Variants in AGFG1 observed in about 807,000 individuals in gnomAD.
AGFG1 encodes ArfGAP with FG repeats 1, also known as arf-GAP domain and FG repeat-containing protein 1.
AGFG1 carries 10 observed loss-of-function variants against 60.6 expected under a neutral mutation model. That is an observed-to-expected ratio of 0.16 (90% CI 0.10 to 0.28). The LOEUF (loss-of-function observed/expected upper bound fraction) is 0.28. AGFG1 is among the 10% of genes least tolerant of loss of function. The pLI is 1.00. For missense variants in AGFG1, 537 were observed against 676.5 expected (o/e 0.79, Z 2.29); for synonymous variants, 247 against 242.9 (o/e 1.02, Z -0.16).
chr2:227,531,504 A>T (rs1036142291), intron 6 of AGFG1, among the ~76,000 whole-genome samples: 13 of 146,928 alleles, frequency 8.8e-5, no homozygotes, highest in African/African-American at 2.8e-4. Flanking sequence ...CACTACTATA[A>T]GTATTTCTCT....
chr2:227,518,505 A>C (rs896733851), intron 2 of AGFG1, among the ~76,000 whole-genome samples: 8 of 139,840 alleles, frequency 5.7e-5, no homozygotes, highest in African/African-American at 1.8e-4. Context: ...TGTCTTGTGG[A>C]GTCTCAGTGT....
At chr2:227,533,792 G>T (rs1692229477) in intron 7 of AGFG1, 34 bp downstream of exon 7, 5 of 1,554,498 alleles carry the variant, frequency 3.2e-6, no homozygotes, top group Non-Finnish European at 4.4e-6. Context: ...ATACAAATTT[G>T]TGTTAAACAG....
chr2:227,547,422 A>G (rs1218008267), intron 10 of AGFG1, among the ~76,000 whole-genome samples: 2 of 152,240 alleles, frequency 1.3e-5, no homozygotes, highest in African/African-American at 4.8e-5. Flanking sequence ...AAAAGGAGCC[A>G]GAAATGAAAA....
intron 11 of AGFG1, 112 bp downstream of exon 11, chr2:227,552,229 A>G (rs1219359542): frequency 3.2e-6 from 4 of 1,248,444 alleles, no homozygotes; most frequent in African/African-American, 3.0e-5. Context: ...AGTATTATCT[A>G]CTGAGTGTTT....
chr2:227,497,477 T>C (rs568518385), intron 2 of AGFG1, among the ~76,000 whole-genome samples: 1 of 152,096 alleles, frequency 6.6e-6, no homozygotes, highest in Non-Finnish European at 1.5e-5. Flanking sequence ...TCTAATCCCA[T>C]CAGTCTTTCA....
At chr2:227,504,061 G>A (rs1012655596) in intron 2 of AGFG1, among the ~76,000 whole-genome samples, 8 of 152,118 alleles carry the variant, frequency 5.3e-5, no homozygotes, top group Non-Finnish European at 7.4e-5. Context: ...TTATTAAGTG[G>A]AAGTAGATTG....
At chr2:227,530,950 A>C (rs1310346415) in intron 5 of AGFG1, 141 bp from the exon 6 acceptor site, 5 of 829,698 alleles carry the variant, frequency 6.0e-6, no homozygotes, top group Non-Finnish European at 8.8e-6. Flanking sequence ...TAGGGTTTAA[A>C]ATCTGATTGC....
intron 10 of AGFG1, among the ~76,000 whole-genome samples, chr2:227,549,115 T>C (rs1462175505): frequency 2.6e-5 from 4 of 152,182 alleles, no homozygotes; most frequent in Non-Finnish European, 4.4e-5. Context: ...TTGTTACATT[T>C]ATTCTTCACA....
Position 227,523,918 on chromosome 2 carries a change from C to G in AGFG1, c.533C>G (p.Pro178Arg). 4 of 1,612,928 alleles carry G rather than the reference C, an allele frequency of 2.5e-6. No individual in the cohort carries two copies. The highest frequency in any genetic ancestry group is 3.4e-6 in the Non-Finnish European group (4 of 1,179,414). ...ACACTGCACTTAAATAAGGGCACAC[C>G]TAGTCAGGTGAGTAGTCTTTGAATC... ...APTLHLNKGTPSQSPVVGRSQ... is the reference protein window; with the variant it reads ...APTLHLNKGTRSQSPVVGRSQ... The change falls in exon 4 of 13, where the codon CCT becomes CGT. Residue 178 changes from proline to arginine, a missense_variant. Around this residue, in one of 4 missense-constraint regions of AGFG1, gnomAD observed 102 missense variants for 82.9 expected, o/e 1.23. Transcript: ENST00000310078.
chr2:227,542,418 T>C (rs946100185), intron 10 of AGFG1, among the ~76,000 whole-genome samples: 1 of 151,980 alleles, frequency 6.6e-6, no homozygotes, highest in Non-Finnish European at 1.5e-5. Flanking sequence ...ATTGAGATAC[T>C]CGTGGTTTTA....
At chr2:227,525,944 A>G (rs2106211409) in intron 5 of AGFG1, among the ~76,000 whole-genome samples, 1 of 152,344 alleles carries the variant, frequency 6.6e-6, no homozygotes, top group East Asian at 1.9e-4. Flanking sequence ...ATACTATTTA[A>G]AAATCTTTAT....
intron 6 of AGFG1, among the ~76,000 whole-genome samples, chr2:227,531,957 T>G (rs1325045804): frequency 1.3e-5 from 2 of 152,190 alleles, no homozygotes; most frequent in African/African-American, 4.8e-5. Flanking sequence ...GTTTAAACAT[T>G]GAATACTCTT....
At chr2:227,503,880 C>G (rs900915932) in intron 2 of AGFG1, among the ~76,000 whole-genome samples, 1 of 152,172 alleles carries the variant, frequency 6.6e-6, no homozygotes, top group Non-Finnish European at 1.5e-5. Context: ...TCTATAATTA[C>G]TTTGCTCTTT....
intron 2 of AGFG1, among the ~76,000 whole-genome samples, chr2:227,498,040 G>T (rs1575075026): frequency 6.6e-6 from 1 of 151,884 alleles, no homozygotes; most frequent in African/African-American, 2.4e-5. Context: ...TATCTGTTTT[G>T]CCTATTTCAT....
At chr2:227,507,291 C>T (rs898176505) in intron 2 of AGFG1, among the ~76,000 whole-genome samples, 6 of 152,018 alleles carry the variant, frequency 3.9e-5, no homozygotes, top group African/African-American at 1.5e-4. Flanking sequence ...GATGAGAAAT[C>T]AGCTGGCTCC....
At chr2:227,528,425 C>A (rs1575100014) in intron 5 of AGFG1, among the ~76,000 whole-genome samples, 2 of 152,160 alleles carry the variant, frequency 1.3e-5, no homozygotes, top group East Asian at 3.9e-4. Flanking sequence ...TTCCCCGTAA[C>A]CCTCCAGATA....
At chr2:227,491,837 G>A (rs922705785) in intron 2 of AGFG1, among the ~76,000 whole-genome samples, 197 bp downstream of exon 2, 3 of 152,030 alleles carry the variant, frequency 2.0e-5, no homozygotes, top group Admixed American at 6.6e-5. Flanking sequence ...ACACTTTACC[G>A]TAAATCTGAG....
At chr2:227,472,649 C>A in intron 1 of AGFG1, 61 bp downstream of exon 1, 1 of 1,413,396 alleles carries the variant, frequency 7.1e-7, no homozygotes, top group Non-Finnish European at 9.5e-7. Context: ...GAGCGGGCGG[C>A]GGGACCGGGA....
intron 4 of AGFG1, among the ~76,000 whole-genome samples, chr2:227,524,183 CTA>C (rs964498169): frequency 7.9e-5 from 12 of 151,870 alleles, no homozygotes; most frequent in South Asian, 4.2e-4. Context: ...GTTGCTATAG[CTA>C]TATATATGTG....
Sources: gnomAD v4.1 joint callset for allele counts (sites outside exome capture counted in the v4.1 genomes callset) on GRCh38, gnomAD v4.1.1 for gene constraint, gnomAD v4.1.1 regional missense constraint, MANE v1.5 for transcripts, NCBI Gene and HGNC (gene_info 2026-07-23, HGNC 2026-07-21) for gene names.